The following ANLN variants were observed in gnomAD, a reference collection of about 807,000 sequenced individuals.
The protein encoded by ANLN is anillin, actin binding protein.
ANLN carries 59 observed loss-of-function variants against 135.1 expected under a neutral mutation model. The ratio of observed to expected loss-of-function variants is 0.44; its 90% confidence interval spans 0.35 to 0.54. ANLN has a LOEUF of 0.54. ANLN is among the 20% of genes least tolerant of loss of function. The pLI is 0.00. For synonymous variants in ANLN, 406 were observed against 456.4 expected, an observed-to-expected ratio of 0.89 and a Z score of 1.41; for missense variants, 1,182 against 1,340.0, an observed-to-expected ratio of 0.88 and a Z score of 1.84.
rs1281775312 is a variant in ANLN at position 36,423,934 on chromosome 7, C to T, written c.2594C>T (p.Thr865Ile). 5 of 1,608,502 alleles carry T rather than the reference C, an allele frequency of 3.1e-6. No individual in the cohort carries two copies. The highest frequency in any genetic ancestry group is 1.3e-5 in the African/African-American group (1 of 74,716). ...GGTGATGCTCTGACATTCACTACTA[C>T]ATTTACTCTGTAAGTAAATCAGGCT... is the stretch of plus-strand genomic sequence containing the variant. ...LNGDALTFTTTFTLQDVSNDF... is the reference protein window; with the variant it reads ...LNGDALTFTTIFTLQDVSNDF... The change falls in exon 15 of 24, where the codon ACA becomes ATA. Residue 865 changes from threonine (T) to isoleucine (I), a missense_variant. By Grantham distance (89) the Thr-to-Ile change is moderately conservative. This residue lies in a region of ANLN where 1,022 missense variants were observed against 1,134.0 expected (regional missense o/e 0.90). Transcript: ENST00000265748.
At chr7:36,451,460 C>A (rs1381855625) in intron 23 of ANLN, among the ~76,000 whole-genome samples, 2 of 152,154 alleles carry the variant, frequency 1.3e-5, no homozygotes, top group African/African-American at 4.8e-5. Flanking sequence ...ACTTTGCTGG[C>A]CCTCTGAAAT....
intron 4 of ANLN, 111 bp from the exon 5 acceptor site, chr7:36,407,623 T>C: frequency 1.2e-6 from 1 of 816,034 alleles, no homozygotes; most frequent in Non-Finnish European, 1.9e-6. Context: ...CATTTCATTT[T>C]CATAAATCTT....
In ANLN at chr7:36,412,422, G is replaced by A. The variant is rs539598348; in HGVS notation, c.1395+1256G>A. Reference sequence around the variant, plus strand: ...TGGCTTACTGCAACCTCCACCTCCCGGCTTCAAGCGATTCTCCTGCCTCAG... The same window carrying A: ...TGGCTTACTGCAACCTCCACCTCCCAGCTTCAAGCGATTCTCCTGCCTCAG... On this transcript the variant is annotated intron_variant, in intron 7 of 23. Coordinates refer to ENST00000265748, the MANE Select transcript of ANLN (RefSeq NM_018685.5). Among the ~76,000 whole-genome samples, 56 of 148,190 alleles carry A rather than the reference G, an allele frequency of 3.8e-4. No homozygotes were observed. In the Middle Eastern group the frequency reaches 0.011, roughly 29 times the overall value.
At chr7:36,394,393 G>A (rs1339214134) in intron 1 of ANLN, among the ~76,000 whole-genome samples, 1 of 152,060 alleles carries the variant, frequency 6.6e-6, no homozygotes, top group Non-Finnish European at 1.5e-5. Flanking sequence ...CTGTTCAGTT[G>A]GTTGGGAGGA....
Position 36,389,921 on chromosome 7 carries a change from T to A in ANLN, c.-106T>A, listed in dbSNP as rs780256728. On this transcript the variant is annotated 5_prime_UTR_variant, in exon 1 of 24. Transcript: ENST00000265748. ...CTGGTTGTGGGAGAGTTCCCCCGCC[T>A]CAGACTCCTGGTTTTTTCCAGGAGA... The A allele has an allele frequency of 6.2e-7, 1 of 1,604,978 alleles. No individual in the cohort carries two copies. Among genetic ancestry groups the A allele is most frequent in the Admixed American group, 1.7e-5 (1 of 59,910 alleles).
At chr7:36,412,351 G>A (rs1464600294) in intron 7 of ANLN, among the ~76,000 whole-genome samples, 1 of 115,864 alleles carries the variant, frequency 8.6e-6, no homozygotes, top group African/African-American at 3.4e-5. Flanking sequence ...TTTTTGACAT[G>A]GAGTTTCACT....
chr7:36,396,579 A>T (rs905034045), intron 2 of ANLN, among the ~76,000 whole-genome samples, 160 bp downstream of exon 2: 1 of 152,186 alleles, frequency 6.6e-6, no homozygotes, highest in African/African-American at 2.4e-5. Flanking sequence ...TTTCAGAGTT[A>T]TTATATTAGG....
intron 8 of ANLN, 127 bp downstream of exon 8, chr7:36,416,011 T>A (rs951839798): frequency 1.2e-6 from 1 of 804,728 alleles, no homozygotes; most frequent in African/African-American, 1.8e-5. Context: ...ATCTTTAGGG[T>A]TTTCTTTCTT....
rs763966884 is a variant in ANLN at position 36,419,229 on chromosome 7, T to G, written c.1634-15T>G. On this transcript the variant is annotated splice_polypyrimidine_tract_variant and intron_variant, in intron 9 of 23. Transcript: ENST00000265748. ...TATCTGAGTCACAGTGTCCACCTAT[T>G]GAAATATTTTTCAGAAGTGATACGT... 8 of 1,578,796 alleles carry G rather than the reference T, an allele frequency of 5.1e-6. No homozygotes were observed. In the Admixed American group the frequency reaches 1.3e-4, roughly 26 times the overall value.
chr7:36,420,205 A>G lies in ANLN; in HGVS notation c.1906A>G (p.Thr636Ala), dbSNP rs1035408851. Residue 636 changes from threonine (T) to alanine (A), a missense_variant, in exon 11 of 24, where the codon ACC becomes GCC. Around this residue, in one of 3 missense-constraint regions of ANLN, gnomAD observed 1,022 missense variants for 1,134.0 expected, o/e 0.90. Coordinates refer to ENST00000265748, the MANE Select transcript of ANLN (RefSeq NM_018685.5). The stretch of plus-strand genomic sequence containing the variant: ...CACACCTAGACTGGAATTGAAAGAC[A>G]CCAGCAGAAGTGATGAAAGTCCAAA... Reference protein sequence around the residue: ...VSTPRLELKDTSRSDESPKPG... With the variant: ...VSTPRLELKDASRSDESPKPG... 3.7e-6 allele frequency: 6 copies of G among 1,613,914 alleles called. No homozygotes were observed. Among genetic ancestry groups the G allele is most frequent in the Non-Finnish European group, 5.1e-6 (6 of 1,179,948 alleles).
intron 3 of ANLN, 55 bp downstream of exon 3, chr7:36,399,448 T>C (rs1199951749): frequency 7.0e-7 from 1 of 1,430,354 alleles, no homozygotes; most frequent in Non-Finnish European, 9.4e-7. Context: ...AGATTCAGTT[T>C]GGTATGTTGA....
intron 13 of ANLN, among the ~76,000 whole-genome samples, chr7:36,422,241 G>GATGA (rs374625650): frequency 6.6e-6 from 1 of 151,868 alleles, no homozygotes; most frequent in South Asian, 2.1e-4. Flanking sequence ...TGAATGAATG[G>GATGA]ATGAATGAAT....
intron 22 of ANLN, chr7:36,448,819 G>A (rs1789121449): frequency 6.6e-6 from 1 of 152,154 alleles, no homozygotes; most frequent in Admixed American, 6.5e-5. Context: ...ATCTGTGTGT[G>A]CATATTTATA....
intron 7 of ANLN, among the ~76,000 whole-genome samples, chr7:36,413,899 C>T (rs529038397): frequency 7.8e-4 from 119 of 151,862 alleles, no homozygotes; most frequent in African/African-American, 2.6e-3. Flanking sequence ...GAGGCTGAGG[C>T]GGGAGAATCT....
At chr7:36,404,095 C>T (rs1307586834) in intron 3 of ANLN, among the ~76,000 whole-genome samples, 5 of 152,134 alleles carry the variant, frequency 3.3e-5, no homozygotes, top group African/African-American at 9.7e-5. Flanking sequence ...CTCAGCCTCC[C>T]GAATAGCTGA....
chr7:36,445,161 C>CTTTTTTTTTTTTTTT lies in ANLN; in HGVS notation c.3078+1312_3078+1326dup, dbSNP rs70977145. 1.0e-4 allele frequency among the ~76,000 whole-genome samples: 6 copies of CTTTTTTTTTTTTTTT among 57,822 alleles called. 1 individual carries two copies. Among genetic ancestry groups the CTTTTTTTTTTTTTTT allele is most frequent in the Admixed American group, 5.0e-4 (2 of 3,980 alleles). 37.9% of individuals were successfully genotyped at this position (57,822 alleles called of 152,430 possible). A position where few individuals can be genotyped will look rare whatever the true frequency, so the allele number is the denominator to read the frequency against. On this transcript the variant is annotated intron_variant, in intron 22 of 23. Coordinates refer to ENST00000265748, the MANE Select transcript of ANLN (RefSeq NM_018685.5). ...TTAGAGGCGTTTCAGATTTGGGATT[C>CTTTTTTTTTTTTTTT]TTTTTTTTTTTTTTTTTTTTTTTTT...
At chr7:36,423,719 CA>C (rs1787970943) in intron 14 of ANLN, 97 bp from the exon 15 acceptor site, 1 of 1,114,358 alleles carries the variant, frequency 9.0e-7, no homozygotes, top group Non-Finnish European at 1.2e-6. Flanking sequence ...GTATATAAAT[CA>C]GTTCAATATT....
intron 7 of ANLN, among the ~76,000 whole-genome samples, chr7:36,412,603 C>A (rs1787471309): frequency 6.6e-6 from 1 of 152,096 alleles, no homozygotes; most frequent in East Asian, 1.9e-4. Context: ...GCAGGGATTA[C>A]AGGTGTGAGC....
At chr7:36,424,620 A>G (rs759223598) in intron 16 of ANLN, 27 bp downstream of exon 16, 2 of 1,598,872 alleles carry the variant, frequency 1.3e-6, no homozygotes, top group Non-Finnish European at 1.7e-6. Context: ...TTCTAAAATA[A>G]TGAAGAGTAT....
Sources: allele counts gnomAD v4.1 joint callset (sites outside exome capture counted in the v4.1 genomes callset), GRCh38; gene constraint gnomAD v4.1.1; regional missense constraint gnomAD v4.1.1; transcripts MANE v1.5; gene names NCBI Gene and HGNC (gene_info 2026-07-23, HGNC 2026-07-21).